WDR33: variants seen among roughly 807,000 people sequenced by gnomAD.
The protein encoded by WDR33 is WD repeat domain 33.
WDR33 carries 47 observed loss-of-function variants against 164.9 expected under a neutral mutation model. The ratio of observed to expected loss-of-function variants is 0.29; its 90% CI spans 0.23 to 0.36. WDR33 has a LOEUF of 0.36. Among genes scored for constraint, WDR33 ranks in the 10% least tolerant of loss-of-function variants. The probability of loss-of-function intolerance (pLI) is 1.00; values close to 1 mark genes in which losing one functional copy is unlikely to be tolerated. For missense variants in WDR33, 1,137 were observed against 1,754.1 expected, an observed-to-expected ratio of 0.65 and a Z score of 6.28; for synonymous variants, 505 against 589.0, an observed-to-expected ratio of 0.86 and a Z score of 2.06.
At chr2:127,776,892 G>A (rs1688201826) in intron 1 of WDR33, among the ~76,000 whole-genome samples, 1 of 152,178 alleles carries the variant, frequency 6.6e-6, no homozygotes, top group Non-Finnish European at 1.5e-5. Context: ...CACAGAGAAA[G>A]CAGAGCTTTG....
chr2:127,798,052 T>G (rs1213310264), intron 1 of WDR33, among the ~76,000 whole-genome samples: 1 of 151,858 alleles, frequency 6.6e-6, no homozygotes, highest in Non-Finnish European at 1.5e-5. Context: ...TTTCCAAAAT[T>G]CCTTTCTTAA....
intron 7 of WDR33, among the ~76,000 whole-genome samples, chr2:127,740,302 A>G (rs190236336): frequency 6.6e-6 from 1 of 152,306 alleles, no homozygotes; most frequent in Non-Finnish European, 1.5e-5. Context: ...CAGCGTTGGC[A>G]CACGCCTATA....
intron 5 of WDR33, 39 bp downstream of exon 5, chr2:127,765,135 T>C (rs1388534549): frequency 1.9e-6 from 3 of 1,591,146 alleles, no homozygotes; most frequent in Non-Finnish European, 2.6e-6. Flanking sequence ...TTCTTTACAG[T>C]ACCACAGGAT....
At chr2:127,775,196 A>C (rs532995589) in intron 1 of WDR33, among the ~76,000 whole-genome samples, 1 of 151,846 alleles carries the variant, frequency 6.6e-6, no homozygotes, top group Non-Finnish European at 1.5e-5. Context: ...TAAAAAAAAA[A>C]ATTTTTTTTT....
intron 1 of WDR33, among the ~76,000 whole-genome samples, chr2:127,799,174 C>T (rs1233118710): frequency 6.6e-6 from 1 of 152,164 alleles, no homozygotes; most frequent in Admixed American, 6.6e-5. Context: ...ACATTCAGGA[C>T]CTTGGGTTAG....
At position 127,713,744 on chromosome 2, in the gene WDR33, G is replaced by T. The variant is rs201838312; in HGVS notation, c.3147C>A (p.Gly1049=). The T allele has an allele frequency of 1.1e-5, 18 of 1,614,194 alleles. No homozygotes were observed. In the East Asian group the frequency reaches 3.8e-4, roughly 34 times the overall value. The part of the protein sequence containing the change: ...LPQEEKWRRG[G]PGPPFPPDHR... ...GATCAGGGGGAAACGGAGGCCCAGG[G>T]CCCCCTCGCCTCCACTTCTCTTCTT... The change falls in exon 18 of 22, where the codon GGC becomes GGA. Residue 1049 remains glycine, a synonymous_variant. Transcript: ENST00000322313. This position sits in a 1 kb window ranked among gnomAD's most constrained non-coding sequence, Gnocchi z 6.2.
chr2:127,805,576 G>A (rs73955218), intron 1 of WDR33, among the ~76,000 whole-genome samples: 4,082 of 152,196 alleles, frequency 0.027, 200 homozygotes, highest in African/African-American at 0.092. Flanking sequence ...CTAGCTGTTT[G>A]TGGTGACAGA....
chr2:127,720,149 A>T lies in WDR33; in HGVS notation c.1876T>A (p.Phe626Ile). The change falls in exon 16 of 22, where the codon TTT (phenylalanine) becomes ATT (isoleucine). Residue 626 changes from phenylalanine (F) to isoleucine (I), a missense_variant. This residue lies in a region of WDR33 where 867 missense variants were observed against 1,073.0 expected (regional missense o/e 0.81). Coordinates refer to ENST00000322313, the MANE Select transcript of WDR33 (RefSeq NM_018383.5). This position sits in a 1 kb window ranked among gnomAD's most constrained non-coding sequence, Gnocchi z 5.9. Reference sequence around the variant, plus strand: ...TGTCCCTGGGGTCCAGGAGGCCTAAACTGTCCCTGTGGACCTGGAGGCCCC... The same window carrying T: ...TGTCCCTGGGGTCCAGGAGGCCTAATCTGTCCCTGTGGACCTGGAGGCCCC... ...QMGPPGPQGQ[F>I]RPPGPQGQMG... 1 of 1,613,748 alleles carries T rather than the reference A, an allele frequency of 6.2e-7. No individual in the cohort carries two copies. Among genetic ancestry groups the T allele is most frequent in the Non-Finnish European group, 8.5e-7 (1 of 1,179,882 alleles).
intron 1 of WDR33, among the ~76,000 whole-genome samples, chr2:127,774,048 CTTT>C (rs776082351): frequency 4.5e-5 from 5 of 110,760 alleles, no homozygotes; most frequent in African/African-American, 1.1e-4. Context: ...GCCCAAAAGC[CTTT>C]TTTTTTTTTT....
At chr2:127,747,285 T>C (rs1687193448) in intron 7 of WDR33, among the ~76,000 whole-genome samples, 1 of 152,122 alleles carries the variant, frequency 6.6e-6, no homozygotes, top group African/African-American at 2.4e-5. Flanking sequence ...ATAAATAAAA[T>C]ACAAACAACA....
chr2:127,714,637 C>T lies in WDR33; in HGVS notation c.2870-616G>A, dbSNP rs1372343216. On this transcript the variant is annotated intron_variant, in intron 17 of 21. Transcript: ENST00000322313. The surrounding 1 kb of genome is among the most constrained non-coding windows in gnomAD (Gnocchi z 4.3). The stretch of plus-strand genomic sequence containing the variant: ...GCACCTCTCTATGGATGTTGTTCCT[C>T]ATCTACAATATTCTCACCATTCTTT... Among the ~76,000 whole-genome samples, 2 of 152,228 alleles carry T rather than the reference C, an allele frequency of 1.3e-5. No individual in the cohort carries two copies. Among genetic ancestry groups the T allele is most frequent in the African/African-American group, 4.8e-5 (2 of 41,466 alleles).
At chr2:127,797,917 A>C (rs1689095314) in intron 1 of WDR33, among the ~76,000 whole-genome samples, 1 of 151,468 alleles carries the variant, frequency 6.6e-6, no homozygotes, top group African/African-American at 2.4e-5. Flanking sequence ...AGGGGGCTGA[A>C]GCAGGAGGAC....
rs762476954 is a variant in WDR33 at position 127,704,237 on chromosome 2, A to C, written c.*2086T>G. On this transcript the variant is annotated 3_prime_UTR_variant, in exon 22 of 22. Transcript: ENST00000322313. ...TTTTAAATGCCATATATATTTAATA[A>C]GTATAATGTAGAGGTTTATTGTTTA... 6.0e-6 allele frequency: 1 copy of C among 166,818 alleles called. No individual in the cohort carries two copies. The highest frequency in any genetic ancestry group is 1.5e-5 in the Non-Finnish European group (1 of 68,092). 10.3% of individuals were successfully genotyped at this position (166,818 alleles called of 1,614,324 possible).
Position 127,741,113 on chromosome 2 carries a change from T to C in WDR33, c.725-14336A>G, listed in dbSNP as rs1426068901. Among the ~76,000 whole-genome samples the C allele has an allele frequency of 6.6e-6, 1 of 152,204 alleles. No individual in the cohort carries two copies. ...CTTGTCCAGGTTGTCCCTCCTGACT[T>C]CCTGTTTCTGTAGAACAGATGCTCT... On this transcript the variant is annotated intron_variant, in intron 7 of 21. Coordinates refer to ENST00000322313, the MANE Select transcript of WDR33 (RefSeq NM_018383.5). This position sits in a 1 kb window ranked among gnomAD's most constrained non-coding sequence, Gnocchi z 4.1.
chr2:127,755,788 A>G (rs917131066), intron 7 of WDR33, among the ~76,000 whole-genome samples: 2 of 152,226 alleles, frequency 1.3e-5, no homozygotes, highest in Admixed American at 6.5e-5. Context: ...CTTTTGTTTA[A>G]TAACATTAAA....
chr2:127,744,385 T>A (rs1382896447), intron 7 of WDR33, among the ~76,000 whole-genome samples: 1 of 152,140 alleles, frequency 6.6e-6, no homozygotes, highest in East Asian at 1.9e-4. Flanking sequence ...TAAATTACAG[T>A]AGATACATGC....
intron 7 of WDR33, among the ~76,000 whole-genome samples, chr2:127,739,285 GC>G (rs1251732431): frequency 3.9e-5 from 6 of 152,166 alleles, no homozygotes; most frequent in Non-Finnish European, 8.8e-5. Context: ...TCATCTCTGA[GC>G]CAGGACCAAG....
chr2:127,764,155 T>C lies in WDR33; in HGVS notation c.626+673A>G, dbSNP rs1573928707. On this transcript the variant is annotated intron_variant, in intron 6 of 21. Transcript: ENST00000322313. The surrounding 1 kb of genome is among the most constrained non-coding windows in gnomAD (Gnocchi z 6.2). ...TACATACCTCACTGATGTGTAAAAA[T>C]ATACAACTCACTGAAAATATTTTAA... 2.0e-6 allele frequency: 2 copies of C among 1,010,770 alleles called. No homozygotes were observed. The highest frequency in any genetic ancestry group is 9.9e-5 in the East Asian group (1 of 10,146). The allele number at this position is 1,010,770 out of a possible 1,614,324, so 62.6% of individuals were successfully genotyped here.
intron 1 of WDR33, among the ~76,000 whole-genome samples, chr2:127,779,831 C>G (rs1688309817): frequency 6.6e-6 from 1 of 152,178 alleles, no homozygotes; most frequent in Non-Finnish European, 1.5e-5. Context: ...CCATGTCAGC[C>G]ACTAATCAGA....
Sources: allele counts gnomAD v4.1 joint callset (sites outside exome capture counted in the v4.1 genomes callset), GRCh38; gene constraint gnomAD v4.1.1; regional missense constraint gnomAD v4.1.1; non-coding constraint Gnocchi (gnomAD v3.1); transcripts MANE v1.5; gene names NCBI Gene and HGNC (gene_info 2026-07-23, HGNC 2026-07-21).